EML4: variants seen among roughly 807,000 people sequenced by gnomAD.
The protein encoded by EML4 is echinoderm microtubule-associated protein-like 4.
EML4 carries 72 observed loss-of-function variants against 129.0 expected under a neutral mutation model. The ratio of observed to expected loss-of-function variants is 0.56; its 90% CI spans 0.46 to 0.68. The LOEUF (loss-of-function observed/expected upper bound fraction) is 0.68. Ranked by LOEUF, EML4 falls within the 30% of genes least tolerant of loss-of-function variation. The pLI is 0.00. For missense variants in EML4, 1,363 were observed against 1,190.6 expected, an observed-to-expected ratio of 1.14 and a Z score of -2.13; for synonymous variants, 532 against 405.0, an observed-to-expected ratio of 1.31 and a Z score of -3.77.
At chr2:42,276,791 A>G (rs1249975002) in intron 6 of EML4, among the ~76,000 whole-genome samples, 4 of 152,226 alleles carry the variant, frequency 2.6e-5, no homozygotes, top group African/African-American at 7.2e-5. Context: ...ATCTTTTCCA[A>G]AGCTCATGCT....
At chr2:42,193,684 T>C (rs978270574) in intron 1 of EML4, among the ~76,000 whole-genome samples, 27 of 152,148 alleles carry the variant, frequency 1.8e-4, no homozygotes, top group Admixed American at 3.3e-4. Flanking sequence ...GCGTTCTTTT[T>C]TTTTTTTCCT....
intron 13 of EML4, among the ~76,000 whole-genome samples, chr2:42,298,372 A>G (rs751005853): frequency 2.6e-5 from 4 of 152,234 alleles, no homozygotes; most frequent in Non-Finnish European, 5.9e-5. Flanking sequence ...GGACTTGACC[A>G]TATGAGTAAG....
chr2:42,170,976 T>TG (rs1367664652), intron 1 of EML4, among the ~76,000 whole-genome samples: 1 of 152,216 alleles, frequency 6.6e-6, no homozygotes, highest in Non-Finnish European at 1.5e-5. Context: ...CCCTTTTTCT[T>TG]GGGCAGAAAA....
intron 1 of EML4, among the ~76,000 whole-genome samples, chr2:42,171,401 T>G (rs977327409): frequency 1.3e-5 from 2 of 152,258 alleles, no homozygotes. Flanking sequence ...TAAAGCTTCA[T>G]CTTCTGTAAG....
intron 11 of EML4, among the ~76,000 whole-genome samples, chr2:42,293,174 T>C (rs903729418): frequency 1.3e-5 from 2 of 152,030 alleles, no homozygotes; most frequent in Non-Finnish European, 2.9e-5. Context: ...AGTGGCTTAA[T>C]CACAGCTCAC....
rs187594177 is a variant in EML4, at chr2:42,324,123, C to T, written c.2155-1344C>T. Among the ~76,000 whole-genome samples, 54 of 150,930 alleles carry T rather than the reference C, an allele frequency of 3.6e-4. No individual in the cohort carries two copies. The East Asian group carries it at 0.01, about 28-fold the overall frequency. On this transcript the variant is annotated intron_variant, in intron 19 of 22. Coordinates refer to ENST00000318522, the MANE Select transcript of EML4 (RefSeq NM_019063.5). ...CAGCCTGGCCAACACAGGGAAACCCCGTCTGTACTAAAAATAGAAAAAATT... is the reference window on the plus strand; with the variant it reads ...CAGCCTGGCCAACACAGGGAAACCCTGTCTGTACTAAAAATAGAAAAAATT...
chr2:42,180,725 A>G (rs1011264853), intron 1 of EML4, among the ~76,000 whole-genome samples: 4 of 152,256 alleles, frequency 2.6e-5, no homozygotes, highest in African/African-American at 9.6e-5. Flanking sequence ...AACCAACAGA[A>G]TCAGGAAATG....
chr2:42,190,232 C>G (rs1030016824), intron 1 of EML4, among the ~76,000 whole-genome samples: 4 of 152,118 alleles, frequency 2.6e-5, no homozygotes, highest in Non-Finnish European at 5.9e-5. Flanking sequence ...ACTTTCTATT[C>G]TTTGCAACCT....
chr2:42,291,894 A>G (rs1572701551), intron 11 of EML4, among the ~76,000 whole-genome samples: 1 of 152,210 alleles, frequency 6.6e-6, no homozygotes, highest in Non-Finnish European at 1.5e-5. Context: ...AAGGTACACA[A>G]CCTCATTAAT....
chr2:42,306,726 T>C (rs1668629913), intron 17 of EML4, among the ~76,000 whole-genome samples: 1 of 151,380 alleles, frequency 6.6e-6, no homozygotes, highest in South Asian at 2.1e-4. Context: ...ATGGTCTCAA[T>C]CTGACCTCGT....
rs192980456 is a variant in EML4, at chr2:42,199,768, G to C, written c.25+30132G>C. Among the ~76,000 whole-genome samples, 149 of 152,258 alleles carry C rather than the reference G, an allele frequency of 9.8e-4. 1 individual carries two copies. Among genetic ancestry groups the C allele is most frequent in the African/African-American group, 3.3e-3 (136 of 41,544 alleles). On this transcript the variant is annotated intron_variant, in intron 1 of 22. Transcript: ENST00000318522. The stretch of plus-strand genomic sequence containing the variant: ...AGGGTAACCTTTTGGGAGAGTGAGC[G>C]GGTAAGCAAGAGAAGGAACCGAAGC...
In EML4 at chr2:42,256,532, G is replaced by A; in HGVS notation, c.240G>A (p.Met80Ile). Residue 80 changes from methionine to isoleucine, a missense_variant, in exon 3 of 23, where the codon ATG becomes ATA. Met to Ile is a conservative substitution (Grantham distance 10). Transcript: ENST00000318522. Reference protein sequence around the residue: ...GQPSPRAVIPMSCITNGSGAN... With the variant: ...GQPSPRAVIPISCITNGSGAN... The stretch of plus-strand genomic sequence containing the variant: ...CAAGCCCTCGAGCAGTTATTCCCAT[G>A]TCCTGTATAACCAATGGAAGTGGTG... 1 of 1,611,666 alleles carries A rather than the reference G, an allele frequency of 6.2e-7. No homozygotes were observed. Among genetic ancestry groups the A allele is most frequent in the Non-Finnish European group, 8.5e-7 (1 of 1,178,572 alleles).
chr2:42,232,794 G>A (rs1477697413), intron 1 of EML4, among the ~76,000 whole-genome samples: 2 of 151,982 alleles, frequency 1.3e-5, no homozygotes, highest in African/African-American at 2.4e-5. Context: ...CACGGATTTC[G>A]GCTCACTGCA....
intron 1 of EML4, among the ~76,000 whole-genome samples, chr2:42,221,965 G>A (rs1215336144): frequency 6.6e-6 from 1 of 151,854 alleles, no homozygotes. Flanking sequence ...CGAACTCCTG[G>A]GCTCAAGCGA....
rs1259144721 is a variant in EML4, at chr2:42,329,936, T to A, written c.2675T>A (p.Val892Asp). ...TKAPVSSTES[V>D]IQSNTPTPPP... ...GCCCCCGTCTCTTCCACTGAAAGTG[T>A]CATCCAATCTAATACTCCCACACCG... The change falls in exon 23 of 23, where the codon GTC becomes GAC. Residue 892 changes from valine to aspartate, a missense_variant. Transcript: ENST00000318522. 2 of 1,613,968 alleles carry A rather than the reference T, an allele frequency of 1.2e-6. No homozygotes were observed. The highest frequency in any genetic ancestry group is 1.7e-5 in the Admixed American group (1 of 59,970).
chr2:42,277,453 A>G (rs1385706328), intron 6 of EML4, among the ~76,000 whole-genome samples: 1 of 152,178 alleles, frequency 6.6e-6, no homozygotes, highest in Non-Finnish European at 1.5e-5. Context: ...ACATCATGTG[A>G]TGTTGAAACC....
intron 2 of EML4, among the ~76,000 whole-genome samples, chr2:42,246,169 A>G (rs147219236): frequency 7.2e-5 from 11 of 152,388 alleles, no homozygotes; most frequent in African/African-American, 2.4e-4. Flanking sequence ...CGAGCCCAGT[A>G]TAATGGGACT....
At chr2:42,327,423 T>C (rs1669865808) in intron 21 of EML4, among the ~76,000 whole-genome samples, 1 of 152,248 alleles carries the variant, frequency 6.6e-6, no homozygotes, top group African/African-American at 2.4e-5. Context: ...ACTGCCAGAC[T>C]GTTTTCCACA....
At chr2:42,300,436 A>G (rs549838176) in intron 13 of EML4, among the ~76,000 whole-genome samples, 4 of 152,226 alleles carry the variant, frequency 2.6e-5, no homozygotes, top group South Asian at 2.1e-4. Flanking sequence ...AAGACCTTTT[A>G]TGTACCCCCT....
Sources: gnomAD v4.1 joint callset for allele counts (sites outside exome capture counted in the v4.1 genomes callset) on GRCh38, gnomAD v4.1.1 for gene constraint, MANE v1.5 for transcripts, NCBI Gene and HGNC (gene_info 2026-07-23, HGNC 2026-07-21) for gene names.